The following TBC1D31 variants were observed in gnomAD, a reference collection of about 807,000 sequenced individuals.
TBC1D31 encodes WD repeat domain 67.
TBC1D31 carries 99 observed loss-of-function variants against 132.9 expected under a neutral mutation model. The observed-to-expected ratio is 0.74, with a 90% confidence interval of 0.63 to 0.88. The LOEUF is 0.88. Ranked by LOEUF, TBC1D31 falls within the 40% of genes least tolerant of loss-of-function variation. TBC1D31 has a pLI of 0.00. For missense variants in TBC1D31, 1,134 were observed against 1,256.6 expected (o/e 0.90, Z 1.48); for synonymous variants, 385 against 419.4 (o/e 0.92, Z 1.00).
chr8:123,076,584 G>A (rs921891020), intron 1 of TBC1D31, among the ~76,000 whole-genome samples: 1 of 152,090 alleles, frequency 6.6e-6, no homozygotes, highest in Non-Finnish European at 1.5e-5. Flanking sequence ...AGGTGCTGGG[G>A]TACAGTAATG....
chr8:123,101,052 A>G, intron 7 of TBC1D31, 45 bp downstream of exon 7: 1 of 1,301,286 alleles, frequency 7.7e-7, no homozygotes, highest in Non-Finnish European at 1.1e-6. Flanking sequence ...ATAAACACTT[A>G]TATATTATAT....
At chr8:123,118,212 A>T (rs1256722082) in intron 10 of TBC1D31, among the ~76,000 whole-genome samples, 3 of 152,058 alleles carry the variant, frequency 2.0e-5, no homozygotes, top group African/African-American at 7.3e-5. Context: ...GAAAAATGAT[A>T]TCAGTGGAAA....
intron 2 of TBC1D31, among the ~76,000 whole-genome samples, chr8:123,080,529 C>CTTTTTTTTTTTTTTTT (rs57694076): frequency 3.9e-5 from 3 of 76,320 alleles, no homozygotes; most frequent in East Asian, 4.1e-4. Context: ...TTCTTTTATT[C>CTTTTTTTTTTTTTTTT]TTTTTTTTTT....
At chr8:123,145,388 G>A (rs1351657741) in intron 20 of TBC1D31, among the ~76,000 whole-genome samples, 1 of 152,170 alleles carries the variant, frequency 6.6e-6, no homozygotes, top group African/African-American at 2.4e-5. Flanking sequence ...AGACTGTCCT[G>A]TGGAGTTCTG....
At chr8:123,139,201 G>A (rs1055127694) in intron 17 of TBC1D31, among the ~76,000 whole-genome samples, 19 of 151,368 alleles carry the variant, frequency 1.3e-4, no homozygotes, top group South Asian at 4.2e-4. Flanking sequence ...CTTATGATGG[G>A]GTTATGTCCT....
intron 5 of TBC1D31, 42 bp downstream of exon 5, chr8:123,093,784 A>T: frequency 1.5e-6 from 2 of 1,306,590 alleles, no homozygotes; most frequent in Non-Finnish European, 2.0e-6. Context: ...TAAGAAATTT[A>T]ATTTCTGGTA....
chr8:123,108,888 G>A (rs371366014), intron 8 of TBC1D31, among the ~76,000 whole-genome samples: 9 of 152,270 alleles, frequency 5.9e-5, no homozygotes, highest in Non-Finnish European at 7.4e-5. Context: ...ATGTGGAGGA[G>A]AGACTGTCAA....
At chr8:123,114,113 G>T (rs899324025) in intron 10 of TBC1D31, among the ~76,000 whole-genome samples, 2 of 152,148 alleles carry the variant, frequency 1.3e-5, no homozygotes, top group African/African-American at 4.8e-5. Flanking sequence ...AAAGAATAAA[G>T]TGGCATGATG....
intron 1 of TBC1D31, 36 bp from the exon 2 acceptor site, chr8:123,077,075 A>C (rs1433899756): frequency 6.4e-7 from 1 of 1,550,460 alleles, no homozygotes; most frequent in African/African-American, 1.4e-5. Flanking sequence ...GTAATACGTG[A>C]CATAGATTCA....
At chr8:123,161,577 G>A in the TBC1D31 span, among the ~76,000 whole-genome samples, 2 of 152,128 alleles carry the variant, frequency 1.3e-5, no homozygotes, top group Non-Finnish European at 2.9e-5. Flanking sequence ...CTAAAATAAT[G>A]TTGAAAAACT....
downstream of TBC1D31, among the ~76,000 whole-genome samples, chr8:123,156,158 G>T (rs913790625): frequency 2.6e-5 from 4 of 152,088 alleles, no homozygotes; most frequent in Non-Finnish European, 2.9e-5. Context: ...TTATCCCCAG[G>T]GGCCGGGCGT....
In TBC1D31 at chr8:123,142,467, G is replaced by A. The variant is rs576741933; in HGVS notation, c.2835+11G>A. 3 of 1,514,824 alleles carry A rather than the reference G, an allele frequency of 2.0e-6. No individual in the cohort carries two copies. Among genetic ancestry groups the A allele is most frequent in the East Asian group, 2.4e-5 (1 of 41,678 alleles). 93.8% of individuals were successfully genotyped at this position (1,514,824 alleles called of 1,614,324 possible). A position where few individuals can be genotyped will look rare whatever the true frequency, so the allele number is the denominator to read the frequency against. ...GAGGAAGCCAAGAAGGTAAAAAATA[G>A]TGTTATAAACTTTTTAATATCAAGC... On this transcript the variant is annotated intron_variant, in intron 19 of 21. Coordinates refer to ENST00000287380, the MANE Select transcript of TBC1D31 (RefSeq NM_145647.4).
chr8:123,097,742 G>C (rs1816962403), intron 6 of TBC1D31: 1 of 202,436 alleles, frequency 4.9e-6, no homozygotes, highest in South Asian at 1.5e-4. Context: ...TTTGGCATAG[G>C]CAGGAAAGAT....
intron 17 of TBC1D31, among the ~76,000 whole-genome samples, chr8:123,139,873 C>T (rs1219389722): frequency 6.6e-6 from 1 of 152,132 alleles, no homozygotes; most frequent in Non-Finnish European, 1.5e-5. Flanking sequence ...CAGCAACTTC[C>T]CCAGGGATAA....
At chr8:123,139,851 T>C (rs972936999) in intron 17 of TBC1D31, among the ~76,000 whole-genome samples, 1 of 152,162 alleles carries the variant, frequency 6.6e-6, no homozygotes, top group Non-Finnish European at 1.5e-5. Flanking sequence ...AACAGTTTGC[T>C]CTAATTGTTT....
intron 1 of TBC1D31, among the ~76,000 whole-genome samples, chr8:123,073,776 C>A (rs1041062951): frequency 6.6e-6 from 1 of 152,028 alleles, no homozygotes; most frequent in Non-Finnish European, 1.5e-5. Context: ...TCCTCCACCT[C>A]CCGAGTTAAA....
At chr8:123,078,002 C>T (rs1332028150) in intron 2 of TBC1D31, among the ~76,000 whole-genome samples, 2 of 151,986 alleles carry the variant, frequency 1.3e-5, no homozygotes, top group African/African-American at 4.8e-5. Context: ...GAGCCGAGAT[C>T]GTGCCACTGC....
chr8:123,135,309 A>T (rs1820984100), intron 17 of TBC1D31, among the ~76,000 whole-genome samples: 1 of 152,204 alleles, frequency 6.6e-6, no homozygotes, highest in Non-Finnish European at 1.5e-5. Flanking sequence ...GTTAATATAA[A>T]TTTTTATTAT....
rs1307051618 is a variant in TBC1D31 at position 123,079,565 on chromosome 8, G to GA, written c.224+2315dup. ...CCACTGTCTATTTGCTAATACTTCT[G>GA]AAAAAAATAAAAATAATTGTTGATT... On this transcript the variant is annotated intron_variant, in intron 2 of 21. Transcript: ENST00000287380. 3.3e-5 allele frequency among the ~76,000 whole-genome samples: 5 copies of GA among 150,150 alleles called. No homozygotes were observed. In the South Asian group the frequency reaches 1.0e-3, roughly 31 times the overall value.
Sources: gnomAD v4.1 joint callset for allele counts (sites outside exome capture counted in the v4.1 genomes callset) on GRCh38, gnomAD v4.1.1 for gene constraint, MANE v1.5 for transcripts, NCBI Gene and HGNC (gene_info 2026-07-23, HGNC 2026-07-21) for gene names.